GRB14: variants seen among roughly 807,000 people sequenced by gnomAD.
GRB14 encodes the protein growth factor receptor-bound protein 14.
GRB14 carries 38 observed loss-of-function variants against 69.1 expected under a neutral mutation model. That is an observed-to-expected ratio of 0.55 (90% CI 0.42 to 0.72). GRB14 has a LOEUF of 0.72. GRB14 is among the 30% of genes least tolerant of loss of function. The pLI, the probability that GRB14 is intolerant of heterozygous loss-of-function variation, is 0.00. For synonymous variants in GRB14, 247 were observed against 241.3 expected (o/e 1.02, Z -0.22); for missense variants, 666 against 666.1 (o/e 1.00, Z 0.00).
intron 2 of GRB14, among the ~76,000 whole-genome samples, chr2:164,571,449 T>A (rs1689120256): frequency 6.6e-6 from 1 of 152,232 alleles, no homozygotes; most frequent in African/African-American, 2.4e-5. Flanking sequence ...AAGATGTTTT[T>A]AACACAACAG....
chr2:164,512,437 G>A (rs929178024), intron 6 of GRB14, among the ~76,000 whole-genome samples: 5 of 152,260 alleles, frequency 3.3e-5, no homozygotes, highest in Middle Eastern at 3.4e-3. Flanking sequence ...AAAGTACTGC[G>A]ATTACAGGTG....
chr2:164,569,316 A>T (rs1274989156), intron 2 of GRB14, among the ~76,000 whole-genome samples: 2 of 152,226 alleles, frequency 1.3e-5, no homozygotes, highest in African/African-American at 4.8e-5. Flanking sequence ...ATAACTAACA[A>T]GAAAAATTTC....
At chr2:164,568,657 A>G (rs1689046779) in intron 2 of GRB14, among the ~76,000 whole-genome samples, 1 of 152,222 alleles carries the variant, frequency 6.6e-6, no homozygotes, top group Non-Finnish European at 1.5e-5. Flanking sequence ...AACCAGATTA[A>G]CAGGCATCTA....
chr2:164,578,235 A>G (rs1296645634), intron 2 of GRB14, among the ~76,000 whole-genome samples: 1 of 152,148 alleles, frequency 6.6e-6, no homozygotes, highest in African/African-American at 2.4e-5. Context: ...TCTGTCTAAA[A>G]AAAAAAGAAA....
At chr2:164,601,945 A>G (rs962196294) in intron 2 of GRB14, among the ~76,000 whole-genome samples, 3 of 152,050 alleles carry the variant, frequency 2.0e-5, no homozygotes, top group African/African-American at 7.2e-5. Flanking sequence ...ACATTCAGTG[A>G]AAGGAAACTT....
At chr2:164,601,406 T>C (rs1689910283) in intron 2 of GRB14, among the ~76,000 whole-genome samples, 1 of 152,114 alleles carries the variant, frequency 6.6e-6, no homozygotes, top group Non-Finnish European at 1.5e-5. Context: ...AAAGGACAAC[T>C]CTTTTTATTG....
At position 164,508,844 on chromosome 2, in the gene GRB14, C is replaced by T. The variant is rs750803021; in HGVS notation, c.825G>A (p.Arg275=). 5 of 1,569,876 alleles carry T rather than the reference C, an allele frequency of 3.2e-6. No homozygotes were observed. Among genetic ancestry groups the T allele is most frequent in the Admixed American group, 4.1e-5 (2 of 48,228 alleles). ...CAAATTCGCTGAAAAACTGCAAATG[C>T]CGCGGTTCCTTAAAAAAAAAAGTAT... ...FSTKGTSKEP[R]HLQFFSEFGN... Residue 275 remains arginine (R), a synonymous_variant, in exon 7 of 14, where the codon CGG becomes CGA. Transcript: ENST00000263915.
intron 2 of GRB14, among the ~76,000 whole-genome samples, chr2:164,572,685 G>C (rs529797040): frequency 6.6e-6 from 1 of 152,180 alleles, no homozygotes; most frequent in East Asian, 1.9e-4. Context: ...TTCAGCTACT[G>C]TCTCCTATGT....
In GRB14 at chr2:164,494,509, C is replaced by T; in HGVS notation, c.1398G>A (p.Arg466=). ...QGLVDGVFLV[R]DSQSNPKTFV... Reference sequence around the variant, plus strand: ...AAGTTTTGGGGTTACTCTGACTATCCCGTACCAAGAAAACTCTAAAGAGAG... The same window carrying T: ...AAGTTTTGGGGTTACTCTGACTATCTCGTACCAAGAAAACTCTAAAGAGAG... Residue 466 remains arginine, a synonymous_variant, in exon 13 of 14, where the codon CGG becomes CGA. Transcript: ENST00000263915. 2.6e-6 allele frequency: 4 copies of T among 1,565,906 alleles called. No individual in the cohort carries two copies. In the African/African-American group the frequency reaches 5.4e-5, roughly 21 times the overall value.
At chr2:164,550,900 T>G (rs765436218) in intron 2 of GRB14, among the ~76,000 whole-genome samples, 15 of 152,184 alleles carry the variant, frequency 9.9e-5, no homozygotes, top group Admixed American at 5.9e-4. Context: ...TAGATACATT[T>G]CCTTTTAGAG....
intron 6 of GRB14, among the ~76,000 whole-genome samples, chr2:164,509,106 G>A (rs113866587): frequency 3.3e-5 from 5 of 152,232 alleles, no homozygotes; most frequent in African/African-American, 1.2e-4. Context: ...ATAAATTCCT[G>A]TTTTAAACTT....
intron 2 of GRB14, among the ~76,000 whole-genome samples, chr2:164,587,803 C>T (rs573514618): frequency 4.6e-5 from 7 of 152,064 alleles, no homozygotes; most frequent in African/African-American, 7.2e-5. Context: ...TCAAAACCAA[C>T]GGGAAAGAAA....
chr2:164,551,897 G>A (rs1313821599), intron 2 of GRB14, among the ~76,000 whole-genome samples: 2 of 152,180 alleles, frequency 1.3e-5, no homozygotes, highest in Non-Finnish European at 2.9e-5. Flanking sequence ...GGTTTATTCG[G>A]CTCATGGTTC....
chr2:164,579,501 G>GCACACACACACACA (rs61305070), intron 2 of GRB14, among the ~76,000 whole-genome samples: 1 of 145,010 alleles, frequency 6.9e-6, no homozygotes, highest in South Asian at 2.2e-4. Context: ...GGGCACACTT[G>GCACACACACACACA]CACACACACA....
chr2:164,604,581 G>A (rs181917740), intron 2 of GRB14, among the ~76,000 whole-genome samples: 1 of 152,034 alleles, frequency 6.6e-6, no homozygotes, highest in Admixed American at 6.5e-5. Context: ...GAAATAAAAT[G>A]GGATTGAGAA....
intron 13 of GRB14, among the ~76,000 whole-genome samples, chr2:164,493,424 TTC>T (rs35192660): frequency 0.12 from 18,873 of 152,126 alleles, 1,251 homozygotes; most frequent in Middle Eastern, 0.16. Flanking sequence ...TCTCCCAGCA[TTC>T]TGTTAGTAAA....
intron 3 of GRB14, among the ~76,000 whole-genome samples, chr2:164,531,023 T>A (rs1687920877): frequency 6.6e-6 from 1 of 152,122 alleles, no homozygotes; most frequent in Admixed American, 6.5e-5. Context: ...ATACACAGAA[T>A]CTTGATGTAT....
In GRB14 at chr2:164,494,678, A is replaced by G. The variant is rs144420079; in HGVS notation, c.1383-154T>C. Reference sequence around the variant, plus strand: ...GTGGGATTATCCAACTTGGCAATCAATATGGTATAATATAATCTGCACTAT... The same window carrying G: ...GTGGGATTATCCAACTTGGCAATCAGTATGGTATAATATAATCTGCACTAT... On this transcript the variant is annotated intron_variant, in intron 12 of 13. Transcript: ENST00000263915. 1.0e-3 allele frequency among the ~76,000 whole-genome samples: 155 copies of G among 152,304 alleles called. No homozygotes were observed. In the East Asian group the frequency reaches 0.023, roughly 23 times the overall value.
intron 2 of GRB14, among the ~76,000 whole-genome samples, chr2:164,595,558 A>G (rs1490181383): frequency 6.6e-6 from 1 of 152,188 alleles, no homozygotes; most frequent in Non-Finnish European, 1.5e-5. Context: ...GGGGAAGGCT[A>G]TCAGGAGTCA....
Sources: allele counts gnomAD v4.1 joint callset (sites outside exome capture counted in the v4.1 genomes callset), GRCh38; gene constraint gnomAD v4.1.1; transcripts MANE v1.5; gene names NCBI Gene and HGNC (gene_info 2026-07-23, HGNC 2026-07-21).